The following DMRT1 variants were observed in gnomAD, a reference collection of about 807,000 sequenced individuals.
DMRT1 encodes doublesex and mab-3 related transcription factor 1.
Under a neutral mutation model 32.3 loss-of-function variants are expected in DMRT1, and 7 were observed. The ratio of observed to expected loss-of-function variants is 0.22; its 90% CI spans 0.12 to 0.41. DMRT1 has a LOEUF of 0.41. DMRT1 is among the 10% of genes least tolerant of loss of function. The pLI, the probability that DMRT1 is intolerant of heterozygous loss-of-function variation, is 1.00. For missense variants in DMRT1, 625 were observed against 500.5 expected (o/e 1.25, Z -2.37); for synonymous variants, 278 against 206.1 (o/e 1.35, Z -2.99).
intron 4 of DMRT1, among the ~76,000 whole-genome samples, chr9:933,029 C>T (rs560871656): frequency 2.6e-5 from 4 of 152,196 alleles, no homozygotes; most frequent in African/African-American, 7.2e-5. Flanking sequence ...TCTCCTGCCT[C>T]AGCCTCCCGA....
At chr9:896,585 C>T (rs913692644) in intron 3 of DMRT1, among the ~76,000 whole-genome samples, 38 of 152,140 alleles carry the variant, frequency 2.5e-4, no homozygotes, top group Middle Eastern at 3.4e-3. Context: ...GAGGCCGAGG[C>T]GGGTGGATCA....
intron 2 of DMRT1, among the ~76,000 whole-genome samples, chr9:859,668 T>A (rs1484161342): frequency 6.6e-6 from 1 of 152,226 alleles, no homozygotes; most frequent in Non-Finnish European, 1.5e-5. Context: ...ACCAAGTTTA[T>A]GCCAGTCTCT....
intron 2 of DMRT1, among the ~76,000 whole-genome samples, chr9:868,892 C>G (rs1816109467): frequency 6.6e-6 from 1 of 152,234 alleles, no homozygotes; most frequent in African/African-American, 2.4e-5. Context: ...CACCTGTGGT[C>G]TCAGCTACTT....
intron 2 of DMRT1, among the ~76,000 whole-genome samples, chr9:889,838 A>C (rs1885771): frequency 0.085 from 12,901 of 152,142 alleles, 1,170 homozygotes; most frequent in African/African-American, 0.23. Context: ...AGTGTTTTTA[A>C]TGCAGGGACA....
At chr9:882,760 CTTTTTTTT>C (rs1010078425) in intron 2 of DMRT1, among the ~76,000 whole-genome samples, 10 of 118,338 alleles carry the variant, frequency 8.5e-5, no homozygotes, top group African/African-American at 3.2e-4. Flanking sequence ...TCCCCTGAAT[CTTTTTTTT>C]TTTTTTTTTT....
At chr9:910,373 C>T (rs1043616768) in intron 3 of DMRT1, among the ~76,000 whole-genome samples, 3 of 151,688 alleles carry the variant, frequency 2.0e-5, no homozygotes, top group African/African-American at 7.3e-5. Context: ...TTTTATGCAG[C>T]CATGCGATGT....
rs548579475 is a variant in DMRT1, at chr9:968,133, C to T, written c.1116C>T (p.Asp372=). 3.1e-6 allele frequency: 5 copies of T among 1,607,734 alleles called. No homozygotes were observed. The highest frequency in any genetic ancestry group is 2.2e-5 in the East Asian group (1 of 44,606). Reference sequence around the variant, plus strand: ...CAGTCACTCCCGTCATCGAGGAGGACGAGTGAGCAGTGCCTGCTGCCGATG... The same window carrying T: ...CAGTCACTCCCGTCATCGAGGAGGATGAGTGAGCAGTGCCTGCTGCCGATG... ...SFTVTPVIEE[D]E is the part of the protein sequence containing the mutation. Residue 372 remains aspartate, a synonymous_variant, in exon 5 of 5, where the codon GAC becomes GAT. Coordinates refer to ENST00000382276, the MANE Select transcript of DMRT1 (RefSeq NM_021951.3).
At chr9:917,231 G>A (rs550345624) in intron 4 of DMRT1, among the ~76,000 whole-genome samples, 6 of 152,066 alleles carry the variant, frequency 3.9e-5, no homozygotes, top group African/African-American at 1.2e-4. Flanking sequence ...TCAAGACCTG[G>A]TATTTTTTGT....
At chr9:920,586 G>A (rs73378497) in intron 4 of DMRT1, among the ~76,000 whole-genome samples, 5,406 of 152,312 alleles carry the variant, frequency 0.035, 232 homozygotes, top group African/African-American at 0.11. Context: ...AGTGAATACA[G>A]GCAGCTCTTC....
intron 3 of DMRT1, among the ~76,000 whole-genome samples, chr9:900,408 C>T (rs1817528062): frequency 6.6e-6 from 1 of 152,032 alleles, no homozygotes; most frequent in African/African-American, 2.4e-5. Flanking sequence ...TGTAGCTCAG[C>T]ATCAGAACAA....
In DMRT1 at chr9:968,143, G is replaced by C. The variant is rs1228510406; in HGVS notation, c.*4G>C. ...CGTCATCGAGGAGGACGAGTGAGCA[G>C]TGCCTGCTGCCGATGGCGGTTCACT... On this transcript the variant is annotated 3_prime_UTR_variant, in exon 5 of 5. Coordinates refer to ENST00000382276, the MANE Select transcript of DMRT1 (RefSeq NM_021951.3). The C allele has an allele frequency of 2.5e-6, 4 of 1,601,452 alleles. No homozygotes were observed. Among genetic ancestry groups the C allele is most frequent in the Non-Finnish European group, 3.4e-6 (4 of 1,178,902 alleles).
intron 2 of DMRT1, among the ~76,000 whole-genome samples, chr9:872,519 C>G (rs1217392047): frequency 6.6e-6 from 1 of 152,188 alleles, no homozygotes; most frequent in East Asian, 1.9e-4. Context: ...CACTAGCCTA[C>G]TTTCTATCTG....
chr9:857,158 T>C (rs1815432720), intron 2 of DMRT1, among the ~76,000 whole-genome samples: 1 of 151,988 alleles, frequency 6.6e-6, no homozygotes, highest in Non-Finnish European at 1.5e-5. Context: ...AATACAAAAA[T>C]TAGCCAGGCG....
intron 4 of DMRT1, among the ~76,000 whole-genome samples, chr9:930,704 G>A (rs954485201): frequency 1.1e-4 from 17 of 152,000 alleles, no homozygotes; most frequent in Admixed American, 4.6e-4. Flanking sequence ...CACCGCACCC[G>A]GCCAATTTTA....
intron 4 of DMRT1, among the ~76,000 whole-genome samples, chr9:944,815 T>C (rs1052219098): frequency 5.3e-5 from 8 of 152,192 alleles, no homozygotes; most frequent in African/African-American, 1.9e-4. Context: ...AATATTACTA[T>C]TCTATGGTGT....
intron 4 of DMRT1, among the ~76,000 whole-genome samples, chr9:928,282 C>G (rs960812292): frequency 6.6e-6 from 1 of 152,160 alleles, no homozygotes; most frequent in African/African-American, 2.4e-5. Context: ...CTGCTTAACA[C>G]ACATATTTTA....
intron 2 of DMRT1, 103 bp downstream of exon 2, chr9:847,246 G>C: frequency 1.6e-6 from 2 of 1,220,804 alleles, no homozygotes; most frequent in Middle Eastern, 2.9e-4. Flanking sequence ...ACAGTGTTTA[G>C]AGCTTAGAGG....
chr9:917,510 G>A (rs541407119), intron 4 of DMRT1, among the ~76,000 whole-genome samples: 14 of 152,290 alleles, frequency 9.2e-5, no homozygotes, highest in Non-Finnish European at 1.9e-4. Flanking sequence ...GTGAGAGGCA[G>A]GTCTTTACAG....
chr9:912,664 C>T (rs966249724), intron 3 of DMRT1, among the ~76,000 whole-genome samples: 1 of 152,066 alleles, frequency 6.6e-6, no homozygotes, highest in East Asian at 1.9e-4. Context: ...CAGCGTTAGC[C>T]AGTCTATTTG....
Sources: allele counts gnomAD v4.1 joint callset (sites outside exome capture counted in the v4.1 genomes callset), GRCh38; gene constraint gnomAD v4.1.1; transcripts MANE v1.5; gene names NCBI Gene and HGNC (gene_info 2026-07-23, HGNC 2026-07-21).